The following CPD variants were observed in gnomAD, a reference collection of about 807,000 sequenced individuals.
CPD encodes carboxypeptidase D.
CPD carries 69 observed loss-of-function variants against 138.3 expected under a neutral mutation model. The observed-to-expected ratio is 0.50, with a 90% CI of 0.41 to 0.61. The LOEUF (loss-of-function observed/expected upper bound fraction) is 0.61. Ranked by LOEUF, CPD falls within the 20% of genes least tolerant of loss-of-function variation. CPD has a pLI of 0.00. For missense variants in CPD, 1,432 were observed against 1,733.3 expected (o/e 0.83, Z 3.09); for synonymous variants, 651 against 642.1 (o/e 1.01, Z -0.21).
chr17:30,456,218 G>A, intron 15 of CPD, 38 bp from the exon 16 acceptor site: 1 of 1,510,338 alleles, frequency 6.6e-7, no homozygotes, highest in Non-Finnish European at 9.1e-7. Flanking sequence ...AAAATCATTT[G>A]GATTTCTCCA....
intron 2 of CPD, among the ~76,000 whole-genome samples, chr17:30,407,837 T>A (rs987107328): frequency 6.6e-6 from 1 of 152,112 alleles, no homozygotes; most frequent in African/African-American, 2.4e-5. Flanking sequence ...CCCATTTGTC[T>A]ATTTTGGCTT....
intron 11 of CPD, 166 bp downstream of exon 11, chr17:30,444,137 AGT>A: frequency 2.0e-6 from 1 of 503,246 alleles, no homozygotes; most frequent in African/African-American, 1.9e-5. Context: ...TGGCAGATAG[AGT>A]ACACGAAAAA....
Position 30,423,027 on chromosome 17 carries a change from A to G in CPD, c.1657+4A>G. The G allele has an allele frequency of 6.3e-7, 1 of 1,595,214 alleles. No homozygotes were observed. On this transcript the variant is annotated splice_donor_region_variant and intron_variant, in intron 5 of 20. Transcript: ENST00000225719. ...AATCCGGGTGTCCATGAACCAGGTA[A>G]TTGGTATGGTCTTACACATAATTTC...
chr17:30,387,766 G>T (rs1415608929), intron 2 of CPD, among the ~76,000 whole-genome samples: 1 of 152,142 alleles, frequency 6.6e-6, no homozygotes, highest in Non-Finnish European at 1.5e-5. Context: ...CCCAAAATGG[G>T]TCATAAGTTT....
chr17:30,461,830 G>C (rs933831973), intron 18 of CPD, 47 bp from the exon 19 acceptor site: 19 of 1,496,940 alleles, frequency 1.3e-5, no homozygotes, highest in Non-Finnish European at 1.7e-5. Context: ...CCTCTACCAT[G>C]TCTGGCATTA....
chr17:30,413,567 A>T (rs1912023558), intron 2 of CPD, among the ~76,000 whole-genome samples: 1 of 152,226 alleles, frequency 6.6e-6, no homozygotes, highest in South Asian at 2.1e-4. Flanking sequence ...CATTGCTCCA[A>T]CCTCCTTTTA....
intron 2 of CPD, among the ~76,000 whole-genome samples, chr17:30,399,876 G>C (rs1911607419): frequency 6.6e-6 from 1 of 152,090 alleles, no homozygotes; most frequent in Admixed American, 6.5e-5. Context: ...TGTAATCCCA[G>C]CTACTCGAGA....
chr17:30,395,577 G>C (rs370059003), intron 2 of CPD, among the ~76,000 whole-genome samples: 1 of 152,076 alleles, frequency 6.6e-6, no homozygotes. Flanking sequence ...ACTTTGTAAC[G>C]TGATAATAGG....
In CPD at chr17:30,461,293, T is replaced by A; in HGVS notation, c.3612T>A (p.Leu1204=). The A allele has an allele frequency of 6.2e-7, 1 of 1,602,700 alleles. No individual in the cohort carries two copies. Among genetic ancestry groups the A allele is most frequent in the East Asian group, 2.3e-5 (1 of 44,400 alleles). Residue 1204 remains leucine, a synonymous_variant, in exon 18 of 21, where the codon CTT becomes CTA. Coordinates refer to ENST00000225719, the MANE Select transcript of CPD (RefSeq NM_001304.5). ...PSLWADNKRS[L]LSMLVEVHKG... The stretch of plus-strand genomic sequence containing the variant: ...TGTGGGCAGACAATAAGAGATCTCT[T>A]CTTAGTATGTTAGTGGAGGTGAGTC...
chr17:30,383,243 A>G (rs1325334097), intron 1 of CPD, among the ~76,000 whole-genome samples: 1 of 152,178 alleles, frequency 6.6e-6, no homozygotes, highest in African/African-American at 2.4e-5. Flanking sequence ...AAAGAAATGA[A>G]CATTTGTTGA....
Position 30,461,209 on chromosome 17 carries a change from G to A in CPD, c.3528G>A (p.Pro1176=), listed in dbSNP as rs758793987. 2.6e-5 allele frequency: 41 copies of A among 1,605,430 alleles called. No individual in the cohort carries two copies. The highest frequency in any genetic ancestry group is 6.7e-5 in the African/African-American group (5 of 74,452). ...ATAGTGTCACCTATGGCCATTGTCC[G>A]GAAATCACAGTATACACAAGCTGCT... ...KDYSVTYGHC[P]EITVYTSCCY... Residue 1176 remains proline (P), a synonymous_variant, in exon 18 of 21, where the codon CCG becomes CCA. Coordinates refer to ENST00000225719, the MANE Select transcript of CPD (RefSeq NM_001304.5).
intron 12 of CPD, among the ~76,000 whole-genome samples, chr17:30,447,961 T>C (rs940247385): frequency 6.6e-6 from 1 of 152,256 alleles, no homozygotes; most frequent in Non-Finnish European, 1.5e-5. Context: ...GCAAACCTCA[T>C]GAACATTATT....
chr17:30,458,263 A>T (rs1008744296), intron 17 of CPD, among the ~76,000 whole-genome samples: 1 of 152,200 alleles, frequency 6.6e-6, no homozygotes, highest in Admixed American at 6.5e-5. Flanking sequence ...TTCTTATCAG[A>T]TACATGATTT....
rs1912250998 is a variant in CPD, at chr17:30,420,973, T to G, written c.1127T>G (p.Leu376Trp). ...AACAATCGTGAGTCTTTGATCACAT[T>G]GATTGAAAAGGTAAAAGTAGATGAC... The part of the protein sequence containing the change: ...WENNRESLIT[L>W]IEKVHIGVKG... The change falls in exon 3 of 21, where the codon TTG (leucine) becomes TGG (tryptophan). Residue 376 changes from leucine (L) to tryptophan (W), a missense_variant. Physicochemically the swap from Leu to Trp is moderately conservative, Grantham distance 61 (BLOSUM62 -2). This residue lies in a region of CPD where 160 missense variants were observed against 197.9 expected (regional missense o/e 0.81). Coordinates refer to ENST00000225719, the MANE Select transcript of CPD (RefSeq NM_001304.5). 3.1e-6 allele frequency: 5 copies of G among 1,613,210 alleles called. No homozygotes were observed. Among genetic ancestry groups the G allele is most frequent in the Non-Finnish European group, 4.2e-6 (5 of 1,179,556 alleles).
In CPD at chr17:30,390,548, T is replaced by C. The variant is rs543395334; in HGVS notation, c.994+5312T>C. On this transcript the variant is annotated intron_variant, in intron 2 of 20. Transcript: ENST00000225719. Reference sequence around the variant, plus strand: ...TATTAGGTGATGTACCGGTATACAGTGAGAGCAAAACAGAAACAACTCCTG... The same window carrying C: ...TATTAGGTGATGTACCGGTATACAGCGAGAGCAAAACAGAAACAACTCCTG... Among the ~76,000 whole-genome samples, 261 of 152,296 alleles carry C rather than the reference T, an allele frequency of 1.7e-3. 1 individual carries two copies. Among genetic ancestry groups the C allele is most frequent in the African/African-American group, 5.9e-3 (247 of 41,554 alleles).
In CPD at chr17:30,443,862, G is replaced by A. The variant is rs371672835; in HGVS notation, c.2434G>A (p.Ala812Thr). The A allele has an allele frequency of 2.0e-5, 33 of 1,613,812 alleles. No individual in the cohort carries two copies. Among genetic ancestry groups the A allele is most frequent in the Non-Finnish European group, 2.7e-5 (32 of 1,179,876 alleles). ...DATDGRGILN[A>T]TISVAEINHP... The stretch of plus-strand genomic sequence containing the variant: ...CACAGATGGCAGGGGTATATTAAAT[G>A]CCACCATTAGTGTTGCTGAGATTAA... The change falls in exon 11 of 21, where the codon GCC becomes ACC. Residue 812 changes from alanine (A) to threonine (T), a missense_variant. Coordinates refer to ENST00000225719, the MANE Select transcript of CPD (RefSeq NM_001304.5).
intron 5 of CPD, 24 bp from the exon 6 acceptor site, chr17:30,423,482 T>C (rs767148695): frequency 6.8e-6 from 10 of 1,460,262 alleles, no homozygotes; most frequent in South Asian, 3.0e-5. Flanking sequence ...AAAAAAGCCT[T>C]CCATGTAATT....
chr17:30,420,227 G>A (rs912579527), intron 2 of CPD, among the ~76,000 whole-genome samples: 2 of 152,124 alleles, frequency 1.3e-5, no homozygotes, highest in Admixed American at 6.5e-5. Flanking sequence ...AGAATTTATT[G>A]TGTCTTATTT....
chr17:30,431,758 C>G lies in CPD; in HGVS notation c.2018-14C>G. On this transcript the variant is annotated splice_polypyrimidine_tract_variant and intron_variant, in intron 7 of 20. Coordinates refer to ENST00000225719, the MANE Select transcript of CPD (RefSeq NM_001304.5). Reference sequence around the variant, plus strand: ...AACAGACAACATGATACATTTTCCTCTTTTCCCTTATAGGTTCTTTGGTGG... The same window carrying G: ...AACAGACAACATGATACATTTTCCTGTTTTCCCTTATAGGTTCTTTGGTGG... 1 of 1,556,798 alleles carries G rather than the reference C, an allele frequency of 6.4e-7. No homozygotes were observed. Among genetic ancestry groups the G allele is most frequent in the South Asian group, 1.1e-5 (1 of 89,006 alleles).
Sources: gnomAD v4.1 joint callset for allele counts (sites outside exome capture counted in the v4.1 genomes callset) on GRCh38, gnomAD v4.1.1 for gene constraint, gnomAD v4.1.1 regional missense constraint, MANE v1.5 for transcripts, NCBI Gene and HGNC (gene_info 2026-07-23, HGNC 2026-07-21) for gene names.